The following LIPC variants were observed in gnomAD, a reference collection of about 807,000 sequenced individuals.
LIPC encodes the protein hepatic triacylglycerol lipase.
In LIPC, 44 loss-of-function variants were observed where a neutral mutation model predicts 50.7. The ratio of observed to expected loss-of-function variants is 0.87; its 90% CI spans 0.68 to 1.11. LIPC has a LOEUF of 1.11. Among genes scored for constraint, LIPC ranks in the 50% most tolerant of loss-of-function variants. The pLI, the probability that LIPC is intolerant of heterozygous loss-of-function variation, is 0.00. For synonymous variants in LIPC, 271 were observed against 256.4 expected (o/e 1.06, Z -0.54); for missense variants, 697 against 648.2 (o/e 1.08, Z -0.82).
At chr15:58,502,494 T>C (rs1892017733) in intron 1 of LIPC, among the ~76,000 whole-genome samples, 1 of 139,698 alleles carries the variant, frequency 7.2e-6, no homozygotes, top group Non-Finnish European at 1.5e-5. Context: ...TGCATTGAAT[T>C]CCATGTAATT....
At chr15:58,480,458 C>T (rs1304956166) in intron 1 of LIPC, among the ~76,000 whole-genome samples, 1 of 152,094 alleles carries the variant, frequency 6.6e-6, no homozygotes, top group East Asian at 1.9e-4. Context: ...CCACACCTGA[C>T]TAATTTTTGT....
intron 1 of LIPC, among the ~76,000 whole-genome samples, chr15:58,498,889 A>C (rs1443387017): frequency 1.3e-5 from 2 of 152,234 alleles, no homozygotes; most frequent in African/African-American, 4.8e-5. Flanking sequence ...CGTGCTTGGA[A>C]GAGATACATG....
intron 1 of LIPC, among the ~76,000 whole-genome samples, chr15:58,478,334 G>A (rs1361751278): frequency 2.0e-5 from 3 of 152,132 alleles, no homozygotes; most frequent in Admixed American, 6.5e-5. Context: ...CACCTCCTGG[G>A]TTCAAGCTTT....
rs751959327 is a variant in LIPC at position 58,568,710 on chromosome 15, A to G, written c.1389-6A>G. ...ATGCTGTGTTTGCTTCCTGTTTTCT[A>G]TTCAGAATGACATTTTGTTCAGAAA... On this transcript the variant is annotated splice_polypyrimidine_tract_variant and splice_region_variant and intron_variant, in intron 8 of 8. Coordinates refer to ENST00000299022, the MANE Select transcript of LIPC (RefSeq NM_000236.3). The G allele has an allele frequency of 1.3e-6, 2 of 1,535,074 alleles. No homozygotes were observed. The highest frequency in any genetic ancestry group is 1.7e-5 in the Admixed American group (1 of 59,912).
At chr15:58,544,391 C>CTTTTTTTTT (rs572161614) in intron 4 of LIPC, among the ~76,000 whole-genome samples, 41 of 110,264 alleles carry the variant, frequency 3.7e-4, no homozygotes, top group South Asian at 6.4e-4. Context: ...TTCTTTTTCT[C>CTTTTTTTTT]TTTCTTTTTT....
intron 6 of LIPC, among the ~76,000 whole-genome samples, chr15:58,559,166 A>G (rs112246374): frequency 0.011 from 1,735 of 152,334 alleles, 32 homozygotes; most frequent in African/African-American, 0.037. Context: ...TGCTGGGTAC[A>G]AGGGATGGAT....
intron 1 of LIPC, among the ~76,000 whole-genome samples, chr15:58,469,591 G>T (rs1490987626): frequency 6.6e-6 from 1 of 151,332 alleles, no homozygotes; most frequent in Non-Finnish European, 1.5e-5. Flanking sequence ...GCTTGGGGCT[G>T]CCCATTCACC....
chr15:58,542,893 TTGG>T (rs1893385839), intron 4 of LIPC, among the ~76,000 whole-genome samples: 1 of 152,222 alleles, frequency 6.6e-6, no homozygotes, highest in South Asian at 2.1e-4. Context: ...ATACCTCATG[TTGG>T]TGTGCCAAAT....
At chr15:58,466,188 T>C (rs1474248006) in intron 1 of LIPC, among the ~76,000 whole-genome samples, 2 of 152,260 alleles carry the variant, frequency 1.3e-5, no homozygotes, top group Non-Finnish European at 2.9e-5. Flanking sequence ...ATGATTTGAC[T>C]TTTACAGCAA....
intron 2 of LIPC, among the ~76,000 whole-genome samples, chr15:58,541,484 G>T (rs1016942403): frequency 6.6e-6 from 1 of 151,780 alleles, no homozygotes. Flanking sequence ...AATTGTTCTC[G>T]GGAGGGGGCG....
At chr15:58,472,983 G>C (rs114296273) in intron 1 of LIPC, among the ~76,000 whole-genome samples, 1 of 152,048 alleles carries the variant, frequency 6.6e-6, no homozygotes, top group Non-Finnish European at 1.5e-5. Flanking sequence ...GCATGGTTTT[G>C]TTAACTTTGA....
At chr15:58,499,857 G>C (rs1264853704) in intron 1 of LIPC, among the ~76,000 whole-genome samples, 1 of 152,188 alleles carries the variant, frequency 6.6e-6, no homozygotes, top group Non-Finnish European at 1.5e-5. Flanking sequence ...GTGATAAATA[G>C]GATGTGGTCA....
At position 58,541,805 on chromosome 15, in the gene LIPC, CTG is replaced by C. The variant is rs1491056082; in HGVS notation, c.295_296del (p.Trp99AspfsTer102). 6.2e-7 allele frequency: 1 copy of C among 1,613,762 alleles called. No homozygotes were observed. The highest frequency in any genetic ancestry group is 2.2e-5 in the East Asian group (1 of 44,884). Reference sequence around the variant, plus strand: ...CTCAGGTGGACGGCGTGCTAGAAAACTGGATCTGGCAGATGGTGGCCGCGCTG... The same window carrying C: ...CTCAGGTGGACGGCGTGCTAGAAAACGATCTGGCAGATGGTGGCCGCGCTG... ...GWSVDGVLEN[W>X]IWQMVAALKS... On this transcript the variant is annotated frameshift_variant, in exon 3 of 9. Transcript: ENST00000299022. LOFTEE classifies it high-confidence loss of function.
At chr15:58,563,787 CA>C in intron 8 of LIPC, 64 bp downstream of exon 8, 1 of 1,261,002 alleles carries the variant, frequency 7.9e-7, no homozygotes, top group Non-Finnish European at 1.1e-6. Context: ...GGCAGTCTCA[CA>C]ATTTAATACT....
At chr15:58,481,651 A>C (rs1211098078) in intron 1 of LIPC, among the ~76,000 whole-genome samples, 1 of 152,134 alleles carries the variant, frequency 6.6e-6, no homozygotes. Context: ...AAAAAAATAT[A>C]AAAATTAGCC....
chr15:58,541,592 T>A (rs187712692), intron 2 of LIPC, among the ~76,000 whole-genome samples, 193 bp from the exon 3 acceptor site: 95 of 152,182 alleles, frequency 6.2e-4, no homozygotes, highest in African/African-American at 2.1e-3. Flanking sequence ...AGGCCAGGAA[T>A]GCTGCTAAAC....
At chr15:58,519,525 T>C (rs1049255676) in intron 1 of LIPC, among the ~76,000 whole-genome samples, 28 of 152,162 alleles carry the variant, frequency 1.8e-4, no homozygotes, top group African/African-American at 5.3e-4. Context: ...CTCCCATGCA[T>C]TGAACACAGA....
intron 1 of LIPC, among the ~76,000 whole-genome samples, chr15:58,499,647 A>G (rs1228180546): frequency 6.6e-6 from 1 of 152,112 alleles, no homozygotes; most frequent in Non-Finnish European, 1.5e-5. Flanking sequence ...GCACCTAGGA[A>G]CTGGTCCCTG....
intron 1 of LIPC, among the ~76,000 whole-genome samples, chr15:58,500,741 A>ACCCCCC (rs1404495421): frequency 1.4e-5 from 1 of 70,150 alleles, no homozygotes; most frequent in Non-Finnish European, 2.9e-5. Flanking sequence ...TCCCCCCACC[A>ACCCCCC]CCCCCCTCTC....
Sources: allele counts gnomAD v4.1 joint callset (sites outside exome capture counted in the v4.1 genomes callset), GRCh38; gene constraint gnomAD v4.1.1; transcripts MANE v1.5; gene names NCBI Gene and HGNC (gene_info 2026-07-23, HGNC 2026-07-21).